Variants in ACCSL observed in about 807,000 individuals in gnomAD.
ACCSL encodes the protein 1-aminocyclopropane-1-carboxylate synthase homolog (inactive) like.
Under a neutral mutation model 61.7 loss-of-function variants are expected in ACCSL, and 55 were observed. The observed-to-expected ratio is 0.89, with a 90% CI of 0.72 to 1.12. The LOEUF (loss-of-function observed/expected upper bound fraction) is 1.12. Ranked by LOEUF, ACCSL falls within the 50% of genes most tolerant of loss-of-function variation. ACCSL has a pLI of 0.00. For synonymous variants in ACCSL, 258 were observed against 264.3 expected (o/e 0.98, Z 0.23); for missense variants, 632 against 698.0 (o/e 0.91, Z 1.07).
the ACCSL span, among the ~76,000 whole-genome samples, chr11:43,958,552 C>T: frequency 3.3e-5 from 5 of 152,224 alleles, no homozygotes; most frequent in African/African-American, 7.2e-5. Flanking sequence ...ATTACTCTTT[C>T]TCTATTGCAA....
At chr11:44,053,892 A>C (rs1377692413) in intron 8 of ACCSL, among the ~76,000 whole-genome samples, 1 of 152,214 alleles carries the variant, frequency 6.6e-6, no homozygotes, top group Non-Finnish European at 1.5e-5. Flanking sequence ...TGGTCTCACT[A>C]TACACCATAC....
rs147814871 is a variant in ACCSL at position 44,051,574 on chromosome 11, A to G, written c.706-79A>G. The stretch of plus-strand genomic sequence containing the variant: ...GAGGCTCCCTGTGCCTGTTCTGCCC[A>G]GGGGGATGGAGAAAGCATGGCTACC... On this transcript the variant is annotated intron_variant, in intron 4 of 13. Transcript: ENST00000378832. 4.2e-3 allele frequency: 6,701 copies of G among 1,587,696 alleles called. 19 individuals are homozygous for G. The highest frequency in any genetic ancestry group is 5.2e-3 in the Non-Finnish European group (5,969 of 1,156,210).
upstream of ACCSL, among the ~76,000 whole-genome samples, chr11:44,044,040 A>G (rs1590425247): frequency 6.6e-6 from 1 of 152,228 alleles, no homozygotes; most frequent in East Asian, 1.9e-4. Flanking sequence ...TATGCTGGAC[A>G]CAATATTTTA....
At chr11:43,943,007 C>A in the ACCSL span, 2 of 1,505,568 alleles carry the variant, frequency 1.3e-6, no homozygotes, top group East Asian at 5.6e-5. This position sits in a 1 kb window ranked among gnomAD's most constrained non-coding sequence, Gnocchi z 4.8. Flanking sequence ...GCCCGTGCGG[C>A]CCGCCAAGCT....
the ACCSL span, among the ~76,000 whole-genome samples, chr11:43,994,128 A>T: frequency 6.6e-6 from 1 of 152,264 alleles, no homozygotes; most frequent in Admixed American, 6.5e-5. Flanking sequence ...ACCCAAGCCT[A>T]GAATATAATT....
At position 44,055,245 on chromosome 11, in the gene ACCSL, G is replaced by C; in HGVS notation, c.1093G>C (p.Val365Leu). The change falls in exon 9 of 14, where the codon GTG (valine) becomes CTG (leucine). Residue 365 changes from valine to leucine, a missense_variant. Coordinates refer to ENST00000378832, the MANE Select transcript of ACCSL (RefSeq NM_001031854.2). ...VIIDEIYMLS[V>L]FDESITFHSI... Reference sequence around the variant, plus strand: ...CATAGATGAGATTTACATGCTGTCTGTGTTTGATGAATCCATCACATTCCA... The same window carrying C: ...CATAGATGAGATTTACATGCTGTCTCTGTTTGATGAATCCATCACATTCCA... 1 of 1,612,990 alleles carries C rather than the reference G, an allele frequency of 6.2e-7. No individual in the cohort carries two copies. Among genetic ancestry groups the C allele is most frequent in the Non-Finnish European group, 8.5e-7 (1 of 1,179,154 alleles).
chr11:44,026,418 G>A, the ACCSL span, among the ~76,000 whole-genome samples: 3 of 152,122 alleles, frequency 2.0e-5, no homozygotes, highest in Non-Finnish European at 2.9e-5. Context: ...TCTATTTGGT[G>A]AGACATTGTT....
chr11:43,951,752 C>G, the ACCSL span, among the ~76,000 whole-genome samples: 1 of 152,122 alleles, frequency 6.6e-6, no homozygotes, highest in East Asian at 1.9e-4. Context: ...GCTTGTAATC[C>G]CACCCTGGGA....
chr11:44,039,851 C>T, the ACCSL span, among the ~76,000 whole-genome samples: 1 of 152,242 alleles, frequency 6.6e-6, no homozygotes, highest in Non-Finnish European at 1.5e-5. Flanking sequence ...GAAAGCAGCA[C>T]AGCAGCTAGC....
chr11:43,996,006 G>C, the ACCSL span, among the ~76,000 whole-genome samples: 3 of 152,194 alleles, frequency 2.0e-5, no homozygotes, highest in Non-Finnish European at 4.4e-5. Flanking sequence ...TAAAAAGGGG[G>C]TAATTTGGCA....
chr11:44,049,877 A>C (rs1952625048), intron 1 of ACCSL, 185 bp from the exon 2 acceptor site: 1 of 698,254 alleles, frequency 1.4e-6, no homozygotes, highest in Non-Finnish European at 2.5e-6. Flanking sequence ...ATGTGGCTCT[A>C]ATGGGGAAAT....
the ACCSL span, among the ~76,000 whole-genome samples, chr11:43,956,578 C>T: frequency 2.0e-5 from 3 of 152,156 alleles, no homozygotes; most frequent in Non-Finnish European, 4.4e-5. Context: ...TGCCACCACA[C>T]CCGGCTAATT....
the ACCSL span, among the ~76,000 whole-genome samples, chr11:44,008,818 C>T: frequency 6.6e-6 from 1 of 152,212 alleles, no homozygotes; most frequent in Admixed American, 6.5e-5. Flanking sequence ...CATCTCCTGA[C>T]AACTCTCAGA....
the ACCSL span, chr11:43,943,467 G>T: frequency 6.4e-6 from 9 of 1,411,958 alleles, no homozygotes; most frequent in Non-Finnish European, 7.5e-6. This position sits in a 1 kb window ranked among gnomAD's most constrained non-coding sequence, Gnocchi z 4.8. Context: ...TGGCCCGGGA[G>T]CGCCGGGAGC....
chr11:43,955,231 T>C, the ACCSL span, among the ~76,000 whole-genome samples: 1 of 152,218 alleles, frequency 6.6e-6, no homozygotes, highest in Non-Finnish European at 1.5e-5. Flanking sequence ...CTCAGCCTCC[T>C]TCCTTTGCAA....
the ACCSL span, chr11:43,943,016 C>T: frequency 4.0e-6 from 6 of 1,507,998 alleles, no homozygotes; most frequent in East Asian, 2.8e-5. The surrounding 1 kb of genome is among the most constrained non-coding windows in gnomAD (Gnocchi z 4.8). Context: ...GCCCGCCAAG[C>T]TGCCCAAGGG....
the ACCSL span, among the ~76,000 whole-genome samples, chr11:44,007,589 C>T: frequency 1.3e-5 from 2 of 152,128 alleles, no homozygotes; most frequent in African/African-American, 4.8e-5. Context: ...TTGGGTCAGT[C>T]CAAGCAAAGG....
chr11:44,056,138 G>A lies in ACCSL; in HGVS notation c.1186-47G>A, dbSNP rs750390251. 7 of 1,614,076 alleles carry A rather than the reference G, an allele frequency of 4.3e-6. 1 individual carries two copies. Among genetic ancestry groups the A allele is most frequent in the Non-Finnish European group, 5.9e-6 (7 of 1,180,048 alleles). ...AGGGAAGGAGGAGGAGCCAGGAATA[G>A]AAGGCAGACAAAACACTTGTTCCTG... On this transcript the variant is annotated intron_variant, in intron 10 of 13. Coordinates refer to ENST00000378832, the MANE Select transcript of ACCSL (RefSeq NM_001031854.2).
rs1198351562 is a variant in ACCSL at position 44,058,302 on chromosome 11, C to A, written c.1328-15C>A. On this transcript the variant is annotated splice_polypyrimidine_tract_variant and intron_variant, in intron 11 of 13. Transcript: ENST00000378832. ...TAGTAATATCTGTGACAGTGTTTTT[C>A]CTCTACCCATCCAGAATGGATTGAC... 6.2e-7 allele frequency: 1 copy of A among 1,613,614 alleles called. No homozygotes were observed. The highest frequency in any genetic ancestry group is 8.5e-7 in the Non-Finnish European group (1 of 1,179,840).
Sources: gnomAD v4.1 joint callset for allele counts (sites outside exome capture counted in the v4.1 genomes callset) on GRCh38, gnomAD v4.1.1 for gene constraint, Gnocchi (gnomAD v3.1) non-coding constraint, MANE v1.5 for transcripts, NCBI Gene and HGNC (gene_info 2026-07-23, HGNC 2026-07-21) for gene names.